LOXHD1: variants seen among roughly 807,000 people sequenced by gnomAD.
LOXHD1 encodes the protein lipoxygenase homology PLAT domains 1.
Under a neutral mutation model 248.2 loss-of-function variants are expected in LOXHD1, and 205 were observed. That is an observed-to-expected ratio of 0.83 (90% CI 0.74 to 0.93). The LOEUF is 0.93. Among genes scored for constraint, LOXHD1 ranks in the 40% least tolerant of loss-of-function variants. The pLI is 0.00. For missense variants in LOXHD1, 2,930 were observed against 2,971.6 expected (o/e 0.99, Z 0.33); for synonymous variants, 1,113 against 1,162.8 (o/e 0.96, Z 0.87).
At chr18:46,564,563 A>G (rs1291611553) in intron 17 of LOXHD1, among the ~76,000 whole-genome samples, 1 of 152,038 alleles carries the variant, frequency 6.6e-6, no homozygotes, top group Non-Finnish European at 1.5e-5. Context: ...TGATAGGTAT[A>G]TTGTTTAAAA....
intron 38 of LOXHD1, 130 bp from the exon 39 acceptor site, chr18:46,485,281 G>T: frequency 2.0e-6 from 2 of 1,019,166 alleles, no homozygotes; most frequent in Non-Finnish European, 2.8e-6. Flanking sequence ...GGGGGAGGCA[G>T]GTTAAAAGCA....
intron 5 of LOXHD1, among the ~76,000 whole-genome samples, chr18:46,614,269 T>C (rs62097133): frequency 2.0e-5 from 3 of 152,196 alleles, no homozygotes; most frequent in Non-Finnish European, 4.4e-5. Flanking sequence ...CACATGCACA[T>C]GTATGTTTAT....
At chr18:46,487,579 G>C (rs751583407) in intron 38 of LOXHD1, among the ~76,000 whole-genome samples, 1 of 152,212 alleles carries the variant, frequency 6.6e-6, no homozygotes, top group Non-Finnish European at 1.5e-5. Flanking sequence ...TGAGAGTCCT[G>C]GGCCTGCCCA....
At position 46,521,091 on chromosome 18, in the gene LOXHD1, C is replaced by T; in HGVS notation, c.5271+6G>A. ...ATGCACTGCACACTCACAGTGCCCC[C>T]CCTACCTTCACCCCAATGTTCACCA... On this transcript the variant is annotated splice_donor_region_variant and intron_variant, in intron 33 of 40. Coordinates refer to ENST00000642948, the MANE Select transcript of LOXHD1 (RefSeq NM_001384474.1). 1 of 1,551,420 alleles carries T rather than the reference C, an allele frequency of 6.4e-7. No individual in the cohort carries two copies. Among genetic ancestry groups the T allele is most frequent in the Middle Eastern group, 1.7e-4 (1 of 5,994 alleles).
chr18:46,620,032 T>C (rs77374209), intron 4 of LOXHD1, among the ~76,000 whole-genome samples: 11,057 of 152,218 alleles, frequency 0.073, 517 homozygotes, highest in Non-Finnish European at 0.11. Flanking sequence ...GGAGCCACAC[T>C]CAGGTTACCT....
intron 38 of LOXHD1, among the ~76,000 whole-genome samples, chr18:46,486,649 G>C (rs533355890): frequency 2.2e-4 from 34 of 152,262 alleles, no homozygotes; most frequent in Non-Finnish European, 4.6e-4. Flanking sequence ...TGAATTCAAA[G>C]AGGGATCCTG....
chr18:46,594,401 C>T lies in LOXHD1; in HGVS notation c.1200G>A (p.Glu400=). The T allele has an allele frequency of 6.4e-7, 1 of 1,551,684 alleles. No individual in the cohort carries two copies. Among genetic ancestry groups the T allele is most frequent in the East Asian group, 2.4e-5 (1 of 40,916 alleles). ...QTFPCSNWLD[E]KKADGLIERQ... is the part of the protein sequence containing the mutation. ...TCTCAATCAACCCATCCGCTTTCTT[C>T]TCATCCAGCCAGTTGCTACAAGGGA... The change falls in exon 9 of 41, where the codon GAG becomes GAA. Residue 400 remains glutamate (E), a synonymous_variant. Coordinates refer to ENST00000642948, the MANE Select transcript of LOXHD1 (RefSeq NM_001384474.1).
At chr18:46,535,574 C>T (rs375297052) in intron 26 of LOXHD1, among the ~76,000 whole-genome samples, 3 of 124,202 alleles carry the variant, frequency 2.4e-5, no homozygotes, top group Non-Finnish European at 5.2e-5. Context: ...GGATGGCTGC[C>T]TCTGTTTTTG....
chr18:46,620,775 T>G (rs1446366754), intron 4 of LOXHD1, among the ~76,000 whole-genome samples: 1 of 152,082 alleles, frequency 6.6e-6, no homozygotes, highest in African/African-American at 2.4e-5. Flanking sequence ...TCCTTGACAC[T>G]TGACCAAGAA....
intron 23 of LOXHD1, among the ~76,000 whole-genome samples, chr18:46,543,924 G>A (rs770158705): frequency 6.6e-6 from 1 of 152,134 alleles, no homozygotes; most frequent in Non-Finnish European, 1.5e-5. Context: ...CATCTTCTCT[G>A]GATGACAGAG....
chr18:46,499,490 T>A (rs2034089503), intron 37 of LOXHD1, among the ~76,000 whole-genome samples: 1 of 152,210 alleles, frequency 6.6e-6, no homozygotes, highest in East Asian at 1.9e-4. Flanking sequence ...GCAAACCTTT[T>A]GAATGAAAAT....
chr18:46,546,086 G>A (rs1171695796), intron 22 of LOXHD1, among the ~76,000 whole-genome samples: 1 of 152,072 alleles, frequency 6.6e-6, no homozygotes, highest in African/African-American at 2.4e-5. Context: ...GGGATACTTT[G>A]AGGGTCAGAG....
At chr18:46,481,479 G>A (rs1410822517) in intron 40 of LOXHD1, among the ~76,000 whole-genome samples, 2 of 152,150 alleles carry the variant, frequency 1.3e-5, no homozygotes, top group African/African-American at 4.8e-5. Flanking sequence ...TGACACCCCT[G>A]CCATCGTCCC....
intron 21 of LOXHD1, among the ~76,000 whole-genome samples, chr18:46,553,972 T>TAG (rs1340460464): frequency 6.6e-6 from 1 of 152,078 alleles, no homozygotes; most frequent in African/African-American, 2.4e-5. Flanking sequence ...GGAATCAGAA[T>TAG]AGAGAGATGA....
At chr18:46,516,283 T>C (rs1283546578) in intron 34 of LOXHD1, among the ~76,000 whole-genome samples, 1 of 152,116 alleles carries the variant, frequency 6.6e-6, no homozygotes, top group African/African-American at 2.4e-5. Flanking sequence ...AGTTAATATA[T>C]ATTAAAAAGC....
rs751278435 is a variant in LOXHD1 at position 46,557,427 on chromosome 18, G to C, written c.3279C>G (p.His1093Gln). ...AGCCTGCTCTGTTGCCTGTGTTGTC[G>C]TGGCGAATCCGAATCTTGGTCAGGG... ...LGALTKIRIRHDNTGNRAGWF... is the reference protein window; with the variant it reads ...LGALTKIRIRQDNTGNRAGWF... Residue 1093 changes from histidine (H) to glutamine (Q), a missense_variant, in exon 21 of 41, where the codon CAC (histidine) becomes CAG (glutamine). Coordinates refer to ENST00000642948, the MANE Select transcript of LOXHD1 (RefSeq NM_001384474.1). 4 of 1,552,104 alleles carry C rather than the reference G, an allele frequency of 2.6e-6. No individual in the cohort carries two copies. In the South Asian group the frequency reaches 4.8e-5, roughly 18 times the overall value.
intron 14 of LOXHD1, among the ~76,000 whole-genome samples, chr18:46,575,363 C>T (rs1159220782): frequency 6.6e-6 from 1 of 152,208 alleles, no homozygotes; most frequent in Non-Finnish European, 1.5e-5. Context: ...ATGTGGTGAA[C>T]TGAATTGTGT....
intron 37 of LOXHD1, among the ~76,000 whole-genome samples, chr18:46,494,899 G>GCT (rs2033747838): frequency 7.4e-6 from 1 of 135,516 alleles, no homozygotes; most frequent in African/African-American, 2.9e-5. Context: ...TGTCGCCCAG[G>GCT]CTGGAGTGCA....
intron 37 of LOXHD1, among the ~76,000 whole-genome samples, chr18:46,494,098 C>A (rs929484011): frequency 2.0e-5 from 3 of 152,166 alleles, no homozygotes; most frequent in African/African-American, 4.8e-5. Context: ...AGGCTCTCAG[C>A]GTTTTTTGCT....
Sources: allele counts gnomAD v4.1 joint callset (sites outside exome capture counted in the v4.1 genomes callset), GRCh38; gene constraint gnomAD v4.1.1; transcripts MANE v1.5; gene names NCBI Gene and HGNC (gene_info 2026-07-23, HGNC 2026-07-21).